Variants in ADAMTSL1 observed in about 807,000 individuals in gnomAD.
ADAMTSL1 encodes the protein ADAMTS-like protein 1.
ADAMTSL1 carries 126 observed loss-of-function variants against 201.8 expected under a neutral mutation model. That is an observed-to-expected ratio of 0.62 (90% CI 0.54 to 0.72). The LOEUF (loss-of-function observed/expected upper bound fraction) is 0.72, where lower values mean the gene tolerates loss of function less well. Ranked by LOEUF, ADAMTSL1 falls within the 30% of genes least tolerant of loss-of-function variation. The pLI is 0.00. For missense variants in ADAMTSL1, 2,679 were observed against 2,277.8 expected (o/e 1.18, Z -3.59); for synonymous variants, 1,121 against 903.4 (o/e 1.24, Z -4.32).
chr9:18,388,594 A>G (rs566177229), intron 2 of ADAMTSL1, among the ~76,000 whole-genome samples: 1 of 145,304 alleles, frequency 6.9e-6, no homozygotes, highest in South Asian at 2.2e-4. Context: ...ATTTAACAGA[A>G]TTTTCCTTTG....
chr9:18,900,822 A>G (rs1003487192), intron 26 of ADAMTSL1, among the ~76,000 whole-genome samples: 5 of 152,130 alleles, frequency 3.3e-5, no homozygotes, highest in African/African-American at 1.2e-4. Flanking sequence ...ACAAACAGCT[A>G]AAGGATTCTG....
chr9:18,306,712 G>A (rs1460493838), intron 2 of ADAMTSL1, among the ~76,000 whole-genome samples: 15 of 152,236 alleles, frequency 9.9e-5, no homozygotes, highest in African/African-American at 3.4e-4. Flanking sequence ...CCAAATCTAC[G>A]TTTGATTGGT....
At position 18,889,706 on chromosome 9, in the gene ADAMTSL1, C is replaced by T. The variant is rs377090991; in HGVS notation, c.4601C>T (p.Ala1534Val). 8.7e-5 allele frequency: 137 copies of T among 1,565,844 alleles called. 2 individuals are homozygous for T. Among genetic ancestry groups the T allele is most frequent in the South Asian group, 5.4e-4 (46 of 85,560 alleles). ...CACTGCGCAGGGAAGGTTCGCCCTG[C>T]GGTGCAGCCCATCGCGTGCAACCGG... ...PAHCAGKVRP[A>V]VQPIACNRRD... The change falls in exon 25 of 29, where the codon GCG becomes GTG. Residue 1534 changes from alanine (A) to valine (V), a missense_variant. Ala to Val is a moderately conservative substitution (Grantham distance 64). Transcript: ENST00000380548.
intron 2 of ADAMTSL1, among the ~76,000 whole-genome samples, chr9:18,423,857 A>G (rs981292838): frequency 2.6e-5 from 4 of 152,212 alleles, no homozygotes; most frequent in Middle Eastern, 3.2e-3. Context: ...AAATGTATAC[A>G]TATCTTCAAT....
chr9:18,450,395 T>C (rs1048484330), intron 2 of ADAMTSL1, among the ~76,000 whole-genome samples: 4 of 152,192 alleles, frequency 2.6e-5, no homozygotes, highest in African/African-American at 7.2e-5. Flanking sequence ...ACACACTTTA[T>C]AGGTACAAAT....
rs1219804100 is a variant in ADAMTSL1 at position 18,829,907 on chromosome 9, C to A, written c.4179C>A (p.Asn1393Lys). Residue 1393 changes from asparagine to lysine, a missense_variant, in exon 23 of 29, where the codon AAC becomes AAA. Transcript: ENST00000380548. ...IRALLAATGP[N>K]LPSVLTSPLG... ...CCTTGCTCGCTGCCACTGGACCGAA[C>A]CTTCCTTCAGTGCTGACGTCTCCTC... 6.2e-7 allele frequency: 1 copy of A among 1,613,932 alleles called. No individual in the cohort carries two copies. The highest frequency in any genetic ancestry group is 2.2e-5 in the East Asian group (1 of 44,874).
intron 23 of ADAMTSL1, among the ~76,000 whole-genome samples, chr9:18,883,548 A>G (rs1828671948): frequency 6.6e-6 from 1 of 152,190 alleles, no homozygotes; most frequent in Admixed American, 6.5e-5. Flanking sequence ...GAATTTTTTC[A>G]TCAACTGAAA....
intron 25 of ADAMTSL1, among the ~76,000 whole-genome samples, chr9:18,890,074 T>A (rs1829149953): frequency 6.6e-6 from 1 of 152,160 alleles, no homozygotes; most frequent in Admixed American, 6.5e-5. Context: ...AGTAATCAAC[T>A]GACTCTGAGT....
At chr9:18,078,642 T>G (rs12347884) in intron 1 of ADAMTSL1, among the ~76,000 whole-genome samples, 55,961 of 151,944 alleles carry the variant, frequency 0.37, 10,840 homozygotes, top group Non-Finnish European at 0.43. Flanking sequence ...ATTTTTGTGG[T>G]TTTTTCTAGA....
At chr9:18,298,863 C>T (rs1264934282) in intron 2 of ADAMTSL1, among the ~76,000 whole-genome samples, 3 of 151,738 alleles carry the variant, frequency 2.0e-5, no homozygotes, top group Non-Finnish European at 4.4e-5. Flanking sequence ...TACAAAAAAT[C>T]AGCCGGTCGT....
chr9:18,051,174 G>A lies in ADAMTSL1; in HGVS notation c.88-112688G>A, dbSNP rs533519698. Among the ~76,000 whole-genome samples the A allele has an allele frequency of 7.0e-4, 107 of 152,188 alleles. 1 individual carries two copies. Among genetic ancestry groups the A allele is most frequent in the Admixed American group, 1.0e-3 (16 of 15,296 alleles). ...AAATTAGCCGGGTGTGGTGGCGGGCGCCTGTAGCCCCAGCTACTTGGGAGG... is the reference window on the plus strand; with the variant it reads ...AAATTAGCCGGGTGTGGTGGCGGGCACCTGTAGCCCCAGCTACTTGGGAGG... On this transcript the variant is annotated intron_variant, in intron 1 of 29. Coordinates refer to the ADAMTSL1 transcript ENST00000680146.
chr9:18,030,117 T>A lies in ADAMTSL1; in HGVS notation c.87+123195T>A, dbSNP rs574949015. ...GCACACATATGTTTATTGCGGCATT[T>A]TTCACAATAGCAAAGACTTGGAACC... On this transcript the variant is annotated intron_variant, in intron 1 of 29. Transcript: ENST00000680146. Among the ~76,000 whole-genome samples the A allele has an allele frequency of 1.4e-3, 208 of 152,274 alleles. 2 individuals are homozygous for A. The highest frequency in any genetic ancestry group is 4.2e-3 in the African/African-American group (175 of 41,570).
intron 1 of ADAMTSL1, among the ~76,000 whole-genome samples, chr9:18,098,377 C>T (rs115895550): frequency 7.6e-4 from 116 of 152,254 alleles, no homozygotes; most frequent in Middle Eastern, 3.4e-3. Flanking sequence ...AATTCGTGGA[C>T]ATGATATATC....
intron 17 of ADAMTSL1, among the ~76,000 whole-genome samples, chr9:18,771,114 C>G (rs1051496923): frequency 2.6e-5 from 4 of 152,164 alleles, no homozygotes; most frequent in African/African-American, 9.6e-5. Context: ...ACACCACCCC[C>G]TCCTCCTGAC....
At chr9:18,173,160 T>G (rs1827980732) in intron 2 of ADAMTSL1, among the ~76,000 whole-genome samples, 1 of 152,188 alleles carries the variant, frequency 6.6e-6, no homozygotes, top group Admixed American at 6.6e-5. Context: ...CTGAGATATT[T>G]TATAATGCAT....
chr9:18,746,669 G>T (rs537865898), intron 15 of ADAMTSL1, among the ~76,000 whole-genome samples: 1 of 150,864 alleles, frequency 6.6e-6, no homozygotes, highest in East Asian at 1.9e-4. Flanking sequence ...ATTTATACCA[G>T]CAATAAACAA....
At chr9:17,970,768 CTCCTA>C (rs1818175367) in intron 1 of ADAMTSL1, among the ~76,000 whole-genome samples, 1 of 152,030 alleles carries the variant, frequency 6.6e-6, no homozygotes, top group Non-Finnish European at 1.5e-5. Context: ...TGTGTGCTTA[CTCCTA>C]TCTTCACACT....
chr9:18,131,392 GAAGTC>G (rs1255716402), intron 1 of ADAMTSL1, among the ~76,000 whole-genome samples: 9 of 152,148 alleles, frequency 5.9e-5, no homozygotes, highest in Admixed American at 2.0e-4. Flanking sequence ...CAGCATTACT[GAAGTC>G]AAGGTTGTAT....
At chr9:18,075,400 G>T (rs1158763351) in intron 1 of ADAMTSL1, among the ~76,000 whole-genome samples, 1 of 152,180 alleles carries the variant, frequency 6.6e-6, no homozygotes, top group African/African-American at 2.4e-5. Context: ...AGTTTAACAT[G>T]GGTGGGAGCC....
Sources: gnomAD v4.1 joint callset for allele counts (sites outside exome capture counted in the v4.1 genomes callset) on GRCh38, gnomAD v4.1.1 for gene constraint, MANE v1.5 for transcripts, NCBI Gene and HGNC (gene_info 2026-07-23, HGNC 2026-07-21) for gene names.